The following PEBP4 variants were observed in gnomAD, a reference collection of about 807,000 sequenced individuals.
PEBP4 encodes the protein phosphatidylethanolamine-binding protein 4.
In PEBP4, 22 loss-of-function variants were observed where a neutral mutation model predicts 23.9. The observed-to-expected ratio is 0.92, with a 90% CI of 0.66 to 1.31. PEBP4 has a LOEUF of 1.31. Ranked by LOEUF, PEBP4 falls within the 40% of genes most tolerant of loss-of-function variation. PEBP4 has a pLI of 0.00. For missense variants in PEBP4, 324 were observed against 281.7 expected, an observed-to-expected ratio of 1.15 and a Z score of -1.07; for synonymous variants, 112 against 99.3, an observed-to-expected ratio of 1.13 and a Z score of -0.76.
At chr8:22,878,025 A>T (rs560471621) in intron 3 of PEBP4, 383 of 152,422 alleles carry the variant, frequency 2.5e-3, no homozygotes, top group Non-Finnish European at 4.3e-3. Context: ...TGCAGTCCTC[A>T]TTCTTTAGAG....
At chr8:22,771,432 C>T (rs563451669) in intron 4 of PEBP4, among the ~76,000 whole-genome samples, 4 of 152,026 alleles carry the variant, frequency 2.6e-5, no homozygotes, top group South Asian at 4.2e-4. Context: ...GAGGTTGCAG[C>T]GAGCTGAGAT....
chr8:22,723,432 C>G (rs1804558978), intron 6 of PEBP4, among the ~76,000 whole-genome samples: 1 of 152,068 alleles, frequency 6.6e-6, no homozygotes, highest in Non-Finnish European at 1.5e-5. Context: ...TCCATCCTGC[C>G]TTCAGAAAGC....
intron 3 of PEBP4, among the ~76,000 whole-genome samples, chr8:22,883,497 T>G (rs1196472330): frequency 6.6e-6 from 1 of 151,786 alleles, no homozygotes. Flanking sequence ...CCAGGGAAGG[T>G]TGTATCTGCA....
intron 3 of PEBP4, among the ~76,000 whole-genome samples, chr8:22,875,336 A>G (rs1344461167): frequency 1.3e-5 from 2 of 151,620 alleles, no homozygotes; most frequent in Admixed American, 1.3e-4. Context: ...TTTAACTTTT[A>G]TGTTAGGTTC....
intron 4 of PEBP4, among the ~76,000 whole-genome samples, chr8:22,797,667 T>C (rs961604828): frequency 7.9e-5 from 12 of 152,176 alleles, no homozygotes; most frequent in African/African-American, 2.9e-4. Flanking sequence ...AGGCTGCTGG[T>C]AGACCCCGTA....
At chr8:22,826,490 T>C (rs543942983) in intron 3 of PEBP4, among the ~76,000 whole-genome samples, 2 of 152,336 alleles carry the variant, frequency 1.3e-5, no homozygotes, top group East Asian at 1.9e-4. Flanking sequence ...TAAGTGAACA[T>C]TGTTGGAAAT....
At chr8:22,928,477 T>C (rs1809400854), upstream of PEBP4, among the ~76,000 whole-genome samples, 1 of 152,138 alleles carries the variant, frequency 6.6e-6, no homozygotes, top group African/African-American at 2.4e-5. Flanking sequence ...GGGAGCTGCT[T>C]GGGGCTCAGA....
chr8:22,714,245 T>C (rs1804367898), intron 6 of PEBP4, among the ~76,000 whole-genome samples: 1 of 152,038 alleles, frequency 6.6e-6, no homozygotes, highest in South Asian at 2.1e-4. Context: ...GGGGCAAGTG[T>C]GAACAGGCCT....
At chr8:22,727,287 C>T (rs113135683) in intron 4 of PEBP4, 67 bp from the exon 5 acceptor site, 865 of 1,496,746 alleles carry the variant, frequency 5.8e-4, no homozygotes, top group Non-Finnish European at 7.1e-4. Flanking sequence ...GTGGGCTCTG[C>T]GGGATTGCTT....
At chr8:22,784,524 T>A (rs1251406545) in intron 4 of PEBP4, among the ~76,000 whole-genome samples, 3 of 152,246 alleles carry the variant, frequency 2.0e-5, no homozygotes, top group Admixed American at 2.0e-4. Flanking sequence ...GATGTGACCC[T>A]GTAGCCAACC....
intron 4 of PEBP4, among the ~76,000 whole-genome samples, chr8:22,796,846 G>A (rs1806270200): frequency 1.3e-5 from 2 of 151,990 alleles, no homozygotes; most frequent in Admixed American, 1.3e-4. Flanking sequence ...TGGATACAAT[G>A]TACACTATTT....
intron 4 of PEBP4, among the ~76,000 whole-genome samples, chr8:22,756,289 C>T (rs10216972): frequency 0.76 from 115,681 of 152,110 alleles, 44,339 homozygotes; most frequent in East Asian, 0.85. Flanking sequence ...GCGAGAACCT[C>T]TGCCCCTGGG....
At chr8:22,831,864 G>T (rs1807088918) in intron 3 of PEBP4, among the ~76,000 whole-genome samples, 1 of 152,156 alleles carries the variant, frequency 6.6e-6, no homozygotes, top group Non-Finnish European at 1.5e-5. Context: ...AGTTCACAAG[G>T]CCAAGAGGTG....
chr8:22,935,081 T>C (rs182416707), intron 1 of PEBP4, among the ~76,000 whole-genome samples: 8 of 152,306 alleles, frequency 5.3e-5, no homozygotes, highest in Admixed American at 1.3e-4. Flanking sequence ...TAAACCTATA[T>C]GCACCAAACA....
chr8:22,797,669 G>A (rs998089853), intron 4 of PEBP4, among the ~76,000 whole-genome samples: 3 of 152,218 alleles, frequency 2.0e-5, no homozygotes, highest in Admixed American at 2.0e-4. Flanking sequence ...GCTGCTGGTA[G>A]ACCCCGTAGG....
chr8:22,839,102 G>A (rs75615948), intron 3 of PEBP4, among the ~76,000 whole-genome samples: 3,677 of 152,322 alleles, frequency 0.024, 124 homozygotes, highest in East Asian at 0.069. Context: ...TGGGGATGGA[G>A]CTAGCAGCAG....
intron 6 of PEBP4, among the ~76,000 whole-genome samples, chr8:22,722,760 T>C (rs1170045399): frequency 2.1e-5 from 3 of 140,382 alleles, no homozygotes; most frequent in Non-Finnish European, 4.6e-5. Flanking sequence ...GGCTTTCATC[T>C]GGGAGGGCCA....
chr8:22,865,263 A>C lies in PEBP4; in HGVS notation c.259-47528T>G, dbSNP rs550622504. Among the ~76,000 whole-genome samples the C allele has an allele frequency of 4.6e-5, 7 of 152,230 alleles. No individual in the cohort carries two copies. The South Asian group carries it at 1.5e-3, about 32-fold the overall frequency. ...GGAAGGTGTTTTTGCGAAAATGACA[A>C]AACAACTCCTTGCTCAGGGCAGCCC... On this transcript the variant is annotated intron_variant, in intron 3 of 6. Transcript: ENST00000256404. This position sits in a 1 kb window ranked among gnomAD's most constrained non-coding sequence, Gnocchi z 6.9.
intron 3 of PEBP4, among the ~76,000 whole-genome samples, chr8:22,830,176 C>T (rs1807056289): frequency 6.8e-6 from 1 of 147,490 alleles, no homozygotes; most frequent in Admixed American, 6.8e-5. Context: ...TGTTGTCAGG[C>T]TGGAGTGTAG....
Sources: gnomAD v4.1 joint callset for allele counts (sites outside exome capture counted in the v4.1 genomes callset) on GRCh38, gnomAD v4.1.1 for gene constraint, Gnocchi (gnomAD v3.1) non-coding constraint, MANE v1.5 for transcripts, NCBI Gene and HGNC (gene_info 2026-07-23, HGNC 2026-07-21) for gene names.